The following ABCB4 variants were observed in gnomAD, a reference collection of about 807,000 sequenced individuals.
The protein encoded by ABCB4 is ATP binding cassette subfamily B member 4, also known as phosphatidylcholine translocator ABCB4.
A neutral mutation model predicts 145.7 loss-of-function variants in ABCB4; 76 were observed. The ratio of observed to expected loss-of-function variants is 0.52; its 90% CI spans 0.43 to 0.63. ABCB4 has a LOEUF of 0.63. Ranked by LOEUF, ABCB4 falls within the 30% of genes least tolerant of loss-of-function variation. The pLI is 0.00. For synonymous variants in ABCB4, 517 were observed against 566.8 expected, an observed-to-expected ratio of 0.91 and a Z score of 1.25; for missense variants, 1,234 against 1,553.1, an observed-to-expected ratio of 0.79 and a Z score of 3.45.
At chr7:87,445,709 C>G (rs1022881940) in intron 9 of ABCB4, among the ~76,000 whole-genome samples, 1 of 152,192 alleles carries the variant, frequency 6.6e-6, no homozygotes, top group Non-Finnish European at 1.5e-5. Context: ...AACACAGCAA[C>G]ACTTCATGTT....
At chr7:87,464,535 T>C (rs113761912) in intron 3 of ABCB4, among the ~76,000 whole-genome samples, 30 of 152,220 alleles carry the variant, frequency 2.0e-4, no homozygotes, top group African/African-American at 1.7e-4. Context: ...TTAAAAAGCA[T>C]TTTAAATGTT....
At chr7:87,366,183 T>C in the ABCB4 span, among the ~76,000 whole-genome samples, 2 of 152,172 alleles carry the variant, frequency 1.3e-5, no homozygotes, top group Non-Finnish European at 2.9e-5. Context: ...CTAAAAGATG[T>C]TACTAAAGCT....
At chr7:87,382,321 G>T in the ABCB4 span, 1 of 1,450,118 alleles carries the variant, frequency 6.9e-7, no homozygotes, top group Non-Finnish European at 9.5e-7. Context: ...TTTATGTCTG[G>T]TGATTACTTT....
At chr7:87,421,540 A>T (rs937713991) in intron 18 of ABCB4, among the ~76,000 whole-genome samples, 1 of 152,232 alleles carries the variant, frequency 6.6e-6, no homozygotes, top group Non-Finnish European at 1.5e-5. Context: ...GCATGCTGGC[A>T]TGACTAGGAA....
chr7:87,471,762 G>A (rs1033738150), intron 3 of ABCB4, among the ~76,000 whole-genome samples: 1 of 152,160 alleles, frequency 6.6e-6, no homozygotes, highest in East Asian at 1.9e-4. Context: ...AAAACCAGAT[G>A]AGGAGACTTC....
chr7:87,401,459 G>A (rs1184156593), downstream of ABCB4, among the ~76,000 whole-genome samples: 2 of 152,146 alleles, frequency 1.3e-5, no homozygotes. Flanking sequence ...TATCATTGAT[G>A]TTTGATGTTT....
chr7:87,414,496 G>A (rs570853869), intron 21 of ABCB4, among the ~76,000 whole-genome samples: 6 of 152,232 alleles, frequency 3.9e-5, no homozygotes, highest in African/African-American at 1.2e-4. Context: ...ATATCAAATC[G>A]CTTTTACCCA....
chr7:87,413,370 G>A (rs975402744), intron 22 of ABCB4, among the ~76,000 whole-genome samples: 8 of 152,314 alleles, frequency 5.3e-5, no homozygotes, highest in Admixed American at 4.6e-4. Flanking sequence ...CAAAGACTGT[G>A]CAATTCTCTA....
the ABCB4 span, chr7:87,375,808 A>G: frequency 6.2e-7 from 1 of 1,613,086 alleles, no homozygotes; most frequent in Non-Finnish European, 8.5e-7. Flanking sequence ...ATATTTGATC[A>G]TCATCTCCTT....
In ABCB4 at chr7:87,447,225, G is replaced by A; in HGVS notation, c.834-20C>T. On this transcript the variant is annotated intron_variant, in intron 8 of 27. Coordinates refer to ENST00000649586, the MANE Select transcript of ABCB4 (RefSeq NM_000443.4). The stretch of plus-strand genomic sequence containing the variant: ...TGATACCTACCAGAAAAATGAGAGG[G>A]AAAACATTATAATTAAGAATAACAA... 1 of 1,607,040 alleles carries A rather than the reference G, an allele frequency of 6.2e-7. No homozygotes were observed. Among genetic ancestry groups the A allele is most frequent in the African/African-American group, 1.3e-5 (1 of 74,866 alleles).
intron 5 of ABCB4, among the ~76,000 whole-genome samples, chr7:87,454,110 T>C (rs1008325598): frequency 2.0e-5 from 3 of 152,220 alleles, no homozygotes; most frequent in Non-Finnish European, 4.4e-5. Context: ...TCAGGCCTTT[T>C]AGCATACAGA....
intron 18 of ABCB4, among the ~76,000 whole-genome samples, chr7:87,421,878 A>T (rs991379727): frequency 6.6e-6 from 1 of 152,218 alleles, no homozygotes; most frequent in African/African-American, 2.4e-5. Context: ...GTTCTGCAGT[A>T]AACTGAGGTC....
At position 87,409,276 on chromosome 7, in the gene ABCB4, T is replaced by C. The variant is rs928701624; in HGVS notation, c.3041A>G (p.Gln1014Arg). The change falls in exon 24 of 28, where the codon CAA becomes CGA. Residue 1014 changes from glutamine (Q) to arginine (R), a missense_variant. Coordinates refer to ENST00000649586, the MANE Select transcript of ABCB4 (RefSeq NM_000443.4). ...AAHLFMLFERQPLIDSYSEEG... is the reference protein window; with the variant it reads ...AAHLFMLFERRPLIDSYSEEG... ...TTCACTGTAGCTGTCAATCAGAGGT[T>C]GTCTTTCAAACAGCATGAATAAGTG... is the stretch of plus-strand genomic sequence containing the variant. 6.2e-7 allele frequency: 1 copy of C among 1,614,142 alleles called. No homozygotes were observed. The highest frequency in any genetic ancestry group is 8.5e-7 in the Non-Finnish European group (1 of 1,179,994).
intron 14 of ABCB4, among the ~76,000 whole-genome samples, chr7:87,432,823 C>T (rs534728049): frequency 6.6e-6 from 1 of 152,174 alleles, no homozygotes; most frequent in South Asian, 2.1e-4. Flanking sequence ...ATTCTAAAAA[C>T]CCCGGAATTG....
rs1207743775 is a variant in ABCB4, at chr7:87,409,386, A to G, written c.2931T>C (p.Phe977=). The change falls in exon 24 of 28, where the codon TTT becomes TTC. Residue 977 remains phenylalanine (F), a synonymous_variant. Coordinates refer to ENST00000649586, the MANE Select transcript of ABCB4 (RefSeq NM_000443.4). The stretch of plus-strand genomic sequence containing the variant: ...CCACTGCACCAAATACAATTGCAGA[A>G]AACACCCTAGACAGAAGTAGAGGAA... ...HMRFRDVILV[F]SAIVFGAVAL... 17 of 1,613,962 alleles carry G rather than the reference A, an allele frequency of 1.1e-5. No individual in the cohort carries two copies. The highest frequency in any genetic ancestry group is 1.3e-5 in the Non-Finnish European group (15 of 1,179,912).
the ABCB4 span, chr7:87,382,453 T>G: frequency 6.2e-7 from 1 of 1,613,874 alleles, no homozygotes; most frequent in South Asian, 1.1e-5. Flanking sequence ...TTTACATCTT[T>G]TGGCAAAAAG....
At chr7:87,407,338 G>T (rs967085481) in intron 25 of ABCB4, among the ~76,000 whole-genome samples, 2 of 152,180 alleles carry the variant, frequency 1.3e-5, no homozygotes, top group Non-Finnish European at 2.9e-5. Flanking sequence ...CAAAGCAGAA[G>T]ATTTCCAGAG....
chr7:87,425,146 C>G (rs545786062), intron 16 of ABCB4, among the ~76,000 whole-genome samples: 5 of 152,070 alleles, frequency 3.3e-5, no homozygotes, highest in Non-Finnish European at 7.4e-5. Context: ...AAACAGGTCC[C>G]TCTAATCAGA....
At chr7:87,440,091 G>T in intron 13 of ABCB4, 108 bp downstream of exon 13, 1 of 1,310,296 alleles carries the variant, frequency 7.6e-7, no homozygotes, top group Non-Finnish European at 1.1e-6. Context: ...TAGCAAAGTT[G>T]GACAATCTTG....
Sources: gnomAD v4.1 joint callset for allele counts (sites outside exome capture counted in the v4.1 genomes callset) on GRCh38, gnomAD v4.1.1 for gene constraint, MANE v1.5 for transcripts, NCBI Gene and HGNC (gene_info 2026-07-23, HGNC 2026-07-21) for gene names.